Variants in CSMD1 observed in about 807,000 individuals in gnomAD.
CSMD1 encodes CUB and Sushi multiple domains 1.
In CSMD1, 213 loss-of-function variants were observed where a neutral mutation model predicts 417.5. The observed-to-expected ratio is 0.51, with a 90% CI of 0.46 to 0.57. The LOEUF (loss-of-function observed/expected upper bound fraction) is 0.57, where lower values mean the gene tolerates loss of function less well. CSMD1 is among the 20% of genes least tolerant of loss of function. CSMD1 has a pLI of 0.00. For synonymous variants in CSMD1, 2,862 were observed against 1,736.8 expected (o/e 1.65, Z -16.11); for missense variants, 6,923 against 4,529.7 (o/e 1.53, Z -15.17).
At chr8:3,318,419 T>G (rs1805923683) in intron 23 of CSMD1, among the ~76,000 whole-genome samples, 1 of 152,230 alleles carries the variant, frequency 6.6e-6, no homozygotes, top group Non-Finnish European at 1.5e-5. Flanking sequence ...TCAGATATTT[T>G]GCTAGACGCC....
intron 10 of CSMD1, among the ~76,000 whole-genome samples, chr8:3,499,229 C>A (rs914048082): frequency 6.6e-5 from 10 of 152,264 alleles, no homozygotes; most frequent in Non-Finnish European, 8.8e-5. Context: ...TACAGTAGTG[C>A]AGTCTTCATG....
Position 4,600,956 on chromosome 8 carries a change from AT to A in CSMD1, c.302+36385del, listed in dbSNP as rs36030872. 2.8e-3 allele frequency among the ~76,000 whole-genome samples: 391 copies of A among 139,052 alleles called. 4 individuals carry two copies. The highest frequency in any genetic ancestry group is 8.0e-3 in the African/African-American group (300 of 37,362). 91.2% of individuals were successfully genotyped at this position (139,052 alleles called of 152,430 possible). A position where few individuals can be genotyped will look rare whatever the true frequency, so the allele number is the denominator to read the frequency against. The stretch of plus-strand genomic sequence containing the variant: ...TCCAAAAAATTTCCCTCTTAATTAG[AT>A]TTTTTTTTTTTTTTTTGAGATGAAG... On this transcript the variant is annotated intron_variant, in intron 2 of 69. Transcript: ENST00000635120.
At chr8:3,931,499 C>G (rs1810135378) in intron 5 of CSMD1, among the ~76,000 whole-genome samples, 1 of 150,156 alleles carries the variant, frequency 6.7e-6, no homozygotes, top group Non-Finnish European at 1.5e-5. Context: ...GGCATAAAAG[C>G]TCATACTTTC....
chr8:3,207,112 CT>C (rs1797337808), intron 30 of CSMD1, among the ~76,000 whole-genome samples: 1 of 145,080 alleles, frequency 6.9e-6, no homozygotes, highest in African/African-American at 2.5e-5. Flanking sequence ...CAGCTCATTT[CT>C]TCTTGATATG....
chr8:4,378,963 G>A (rs940234197), intron 3 of CSMD1, among the ~76,000 whole-genome samples: 1 of 152,102 alleles, frequency 6.6e-6, no homozygotes, highest in Non-Finnish European at 1.5e-5. Context: ...AAGCCTTCCA[G>A]TTTATGATAT....
chr8:4,013,924 G>T (rs760687021), intron 4 of CSMD1, among the ~76,000 whole-genome samples: 1 of 152,140 alleles, frequency 6.6e-6, no homozygotes, highest in Non-Finnish European at 1.5e-5. Flanking sequence ...GACAAAAAAT[G>T]TTTACCAGCC....
At chr8:4,973,601 G>A (rs1810370669) in intron 1 of CSMD1, among the ~76,000 whole-genome samples, 1 of 152,068 alleles carries the variant, frequency 6.6e-6, no homozygotes, top group South Asian at 2.1e-4. Context: ...GACTTAAAGT[G>A]TTCTCTAATT....
At chr8:2,986,056 G>A (rs1805878286) in intron 54 of CSMD1, among the ~76,000 whole-genome samples, 1 of 145,314 alleles carries the variant, frequency 6.9e-6, no homozygotes, top group Admixed American at 6.7e-5. Context: ...AGGAAGGAAG[G>A]AAGGAAGGAA....
chr8:4,128,263 G>A (rs1040735552), intron 3 of CSMD1, among the ~76,000 whole-genome samples: 25 of 152,202 alleles, frequency 1.6e-4, no homozygotes, highest in African/African-American at 5.5e-4. Context: ...TCCCGTGGAG[G>A]AATGCATGAG....
Position 2,963,326 on chromosome 8 carries a change from G to C in CSMD1, c.9350C>G (p.Ser3117Cys), listed in dbSNP as rs758221766. Reference protein sequence around the residue: ...TVEGSDFRWGSSISYSCMDGY... With the variant: ...TVEGSDFRWGCSISYSCMDGY... ...GTCCATGCAGCTGTAACTTATGCTG[G>C]AGCCCCAGCGGAAATCACTTCCCTC... Residue 3117 changes from serine (S) to cysteine (C), a missense_variant, in exon 60 of 70, where the codon TCC becomes TGC. Physicochemically the swap from Ser to Cys is moderately radical, Grantham distance 112. Coordinates refer to ENST00000635120, the MANE Select transcript of CSMD1 (RefSeq NM_033225.6). 1.2e-6 allele frequency: 2 copies of C among 1,613,874 alleles called. No individual in the cohort carries two copies. Among genetic ancestry groups the C allele is most frequent in the Non-Finnish European group, 1.7e-6 (2 of 1,179,862 alleles).
chr8:4,435,777 G>A (rs1001393810), intron 2 of CSMD1, among the ~76,000 whole-genome samples: 2 of 152,170 alleles, frequency 1.3e-5, no homozygotes, highest in Admixed American at 6.5e-5. Flanking sequence ...ACCTTTGACA[G>A]CTAAACAAGA....
chr8:3,758,519 T>C (rs559593005), intron 5 of CSMD1, among the ~76,000 whole-genome samples: 1 of 152,338 alleles, frequency 6.6e-6, no homozygotes, highest in South Asian at 2.1e-4. Flanking sequence ...GGCCAGGAGC[T>C]AATCTTATAG....
intron 3 of CSMD1, among the ~76,000 whole-genome samples, chr8:4,095,825 T>C (rs1361910211): frequency 6.6e-6 from 1 of 152,234 alleles, no homozygotes. Flanking sequence ...TCATTTGTTT[T>C]TGCATTGGAA....
At chr8:3,688,229 G>C (rs1471429966) in intron 7 of CSMD1, among the ~76,000 whole-genome samples, 1 of 152,216 alleles carries the variant, frequency 6.6e-6, no homozygotes, top group Non-Finnish European at 1.5e-5. Flanking sequence ...GGGCAAAGAT[G>C]ATAGTATAAT....
At chr8:4,865,922 T>C (rs574074558) in intron 1 of CSMD1, among the ~76,000 whole-genome samples, 4 of 152,086 alleles carry the variant, frequency 2.6e-5, no homozygotes, top group South Asian at 2.1e-4. Flanking sequence ...GGAGCTTTCA[T>C]CTTCCTGTGT....
At chr8:4,379,615 C>G (rs558129069) in intron 3 of CSMD1, among the ~76,000 whole-genome samples, 1 of 151,604 alleles carries the variant, frequency 6.6e-6, no homozygotes, top group Admixed American at 6.6e-5. Flanking sequence ...GCAAGGTAAG[C>G]CATGAGATTT....
Position 4,029,789 on chromosome 8 carries a change from A to G in CSMD1, c.610+2116T>C, listed in dbSNP as rs541416981. On this transcript the variant is annotated intron_variant, in intron 4 of 69. Coordinates refer to ENST00000635120, the MANE Select transcript of CSMD1 (RefSeq NM_033225.6). ...AACTCTTATCTGAGACAAAACAAGT[A>G]TCTTCCTCTTATGAACCTGTATAAT... Among the ~76,000 whole-genome samples the G allele has an allele frequency of 8.5e-5, 13 of 152,306 alleles. 1 individual carries two copies. In the South Asian group the frequency reaches 2.7e-3, roughly 32 times the overall value.
intron 1 of CSMD1, among the ~76,000 whole-genome samples, chr8:4,935,892 G>C (rs1263368047): frequency 6.6e-6 from 1 of 152,186 alleles, no homozygotes; most frequent in Non-Finnish European, 1.5e-5. Context: ...TTTCTGGGCT[G>C]TCTTCCTCCC....
At chr8:3,821,186 G>C (rs927273857) in intron 5 of CSMD1, among the ~76,000 whole-genome samples, 6 of 152,056 alleles carry the variant, frequency 3.9e-5, no homozygotes, top group Non-Finnish European at 8.8e-5. Flanking sequence ...CCAAACTGTG[G>C]GGATTACAGG....
Sources: allele counts gnomAD v4.1 joint callset (sites outside exome capture counted in the v4.1 genomes callset), GRCh38; gene constraint gnomAD v4.1.1; transcripts MANE v1.5; gene names NCBI Gene and HGNC (gene_info 2026-07-23, HGNC 2026-07-21).